Variants in SETDB1 observed in about 807,000 individuals in gnomAD.
SETDB1 encodes SET domain bifurcated histone lysine methyltransferase 1.
A neutral mutation model predicts 137.4 loss-of-function variants in SETDB1; 31 were observed. The ratio of observed to expected loss-of-function variants is 0.23; its 90% CI spans 0.17 to 0.30. The LOEUF is 0.30. SETDB1 is among the 10% of genes least tolerant of loss of function. The pLI is 1.00. For missense variants in SETDB1, 1,113 were observed against 1,631.5 expected (o/e 0.68, Z 5.47); for synonymous variants, 548 against 579.9 (o/e 0.95, Z 0.79).
chr1:150,963,096 T>A lies in SETDB1; in HGVS notation c.3417T>A (p.Ser1139=). 1 of 1,614,198 alleles carries A rather than the reference T, an allele frequency of 6.2e-7. No homozygotes were observed. Among genetic ancestry groups the A allele is most frequent in the South Asian group, 1.1e-5 (1 of 91,088 alleles). ...VDSDDIQTIS[S]GSEGDDFEDK... is the part of the protein sequence containing the mutation. ...GTGATGATATCCAGACCATATCCTC[T>A]GGCTCTGAAGGGGATGACTTTGAGG... Residue 1139 remains serine (S), a synonymous_variant, in exon 19 of 22, where the codon TCT becomes TCA. Coordinates refer to ENST00000692827, the MANE Select transcript of SETDB1 (RefSeq NM_001366418.1).
intron 16 of SETDB1, chr1:150,961,919 C>A: frequency 1.5e-6 from 1 of 656,928 alleles, no homozygotes; most frequent in Non-Finnish European, 2.8e-6. Context: ...TTTCCATGAG[C>A]ATTAAGCCCC....
intron 14 of SETDB1, among the ~76,000 whole-genome samples, chr1:150,953,556 C>T (rs587647710): frequency 3.3e-5 from 5 of 149,570 alleles, no homozygotes; most frequent in South Asian, 2.1e-4. Context: ...TGGCCATGCG[C>T]GGTGGCTCAT....
At chr1:150,929,180 C>T (rs752890443) in intron 2 of SETDB1, among the ~76,000 whole-genome samples, 1 of 152,080 alleles carries the variant, frequency 6.6e-6, no homozygotes, top group Non-Finnish European at 1.5e-5. Context: ...CTGTCTTCCA[C>T]AATGGTTGAA....
Position 150,950,686 on chromosome 1 carries a change from G to C in SETDB1, c.1812G>C (p.Pro604=). The C allele has an allele frequency of 6.2e-7, 1 of 1,614,194 alleles. No individual in the cohort carries two copies. The highest frequency in any genetic ancestry group is 1.7e-5 in the Admixed American group (1 of 60,022). The change falls in exon 13 of 22, where the codon CCG becomes CCC. Residue 604 remains proline, a synonymous_variant. Transcript: ENST00000692827. The part of the protein sequence containing the change: ...QYRGKNPLLV[P]LLYDFRRMTA... ...GGGGCAAGAACCCTCTGCTGGTCCC[G>C]TTACTATATGACTTCCGGCGGATGA...
At chr1:150,944,789 C>T (rs1342888133) in intron 8 of SETDB1, 129 bp from the exon 9 acceptor site, 5 of 1,005,484 alleles carry the variant, frequency 5.0e-6, no homozygotes, top group Non-Finnish European at 7.2e-6. Context: ...CTTTGCTTCC[C>T]TTGAGGTTCT....
At chr1:150,959,136 A>G in intron 14 of SETDB1, 42 bp from the exon 15 acceptor site, 3 of 1,424,866 alleles carry the variant, frequency 2.1e-6, no homozygotes, top group Middle Eastern at 3.6e-4. Context: ...TTTGTGCTCT[A>G]GTGATCATAC....
Position 150,941,398 on chromosome 1 carries a change from A to G in SETDB1, c.517A>G (p.Lys173Glu). The change falls in exon 5 of 22, where the codon AAG (lysine) becomes GAG (glutamate). Residue 173 changes from lysine (K) to glutamate (E), a missense_variant. Lys to Glu is a moderately conservative substitution (Grantham distance 56). Around this residue, in one of 11 missense-constraint regions of SETDB1, gnomAD observed 159 missense variants for 188.6 expected, o/e 0.84. Coordinates refer to ENST00000692827, the MANE Select transcript of SETDB1 (RefSeq NM_001366418.1). ...TCAGAAGTTCATGGATGCTGTCAAC[A>G]AGAAGAGCAGTTCCCAGGATCTGCA... ...DVQKFMDAVNKKSSSQDLHKG... is the reference protein window; with the variant it reads ...DVQKFMDAVNEKSSSQDLHKG... The G allele has an allele frequency of 6.2e-7, 1 of 1,612,768 alleles. No individual in the cohort carries two copies. The highest frequency in any genetic ancestry group is 8.5e-7 in the Non-Finnish European group (1 of 1,178,784).
At chr1:150,961,407 C>T in intron 16 of SETDB1, 1 of 523,926 alleles carries the variant, frequency 1.9e-6, no homozygotes, top group Non-Finnish European at 3.4e-6. Flanking sequence ...AATCCCAACA[C>T]TTTGGGAGGC....
intron 5 of SETDB1, among the ~76,000 whole-genome samples, chr1:150,942,304 T>C (rs998588775): frequency 2.6e-5 from 4 of 151,182 alleles, no homozygotes; most frequent in South Asian, 2.1e-4. Context: ...CTGGGTGTAG[T>C]GGTGCCACCT....
At position 150,951,105 on chromosome 1, in the gene SETDB1, G is replaced by C. The variant is rs769974522; in HGVS notation, c.2216+15G>C. 9 of 1,594,886 alleles carry C rather than the reference G, an allele frequency of 5.6e-6. No homozygotes were observed. In the East Asian group the frequency reaches 2.0e-4, roughly 36 times the overall value. On this transcript the variant is annotated intron_variant, in intron 13 of 21. Transcript: ENST00000692827. ...TGTCGGGACAAGTGAGTTGGTGGGG[G>C]GAATTGCTGCCCCTGCTTCCAACTT... is the stretch of plus-strand genomic sequence containing the variant.
In SETDB1 at chr1:150,950,511, C is replaced by T; in HGVS notation, c.1637C>T (p.Pro546Leu). 1.9e-6 allele frequency: 3 copies of T among 1,613,670 alleles called. No homozygotes were observed. Among genetic ancestry groups the T allele is most frequent in the Non-Finnish European group, 2.5e-6 (3 of 1,179,726 alleles). The change falls in exon 13 of 22, where the codon CCT (proline) becomes CTT (leucine). Residue 546 changes from proline (P) to leucine (L), a missense_variant. By Grantham distance (98) the Pro-to-Leu change is moderately conservative. Around this residue, in one of 11 missense-constraint regions of SETDB1, gnomAD observed 192 missense variants for 198.1 expected, o/e 0.97. Transcript: ENST00000692827. ...CCAGCACCCTCAGCACTCCCGGCCCCTCCAGCACCCCCAGTCTTCCATGGC... is the reference window on the plus strand; with the variant it reads ...CCAGCACCCTCAGCACTCCCGGCCCTTCCAGCACCCCCAGTCTTCCATGGC... ...SAPAPSALPA[P>L]PAPPVFHGML...
At chr1:150,947,958 A>G (rs587740669) in intron 10 of SETDB1, among the ~76,000 whole-genome samples, 15 of 152,212 alleles carry the variant, frequency 9.9e-5, no homozygotes, top group Middle Eastern at 6.8e-3. Flanking sequence ...AAGGCCCAGC[A>G]TGGTGGCTCG....
intron 3 of SETDB1, among the ~76,000 whole-genome samples, chr1:150,931,324 GCC>G (rs1558010653): frequency 2.9e-4 from 43 of 146,124 alleles, no homozygotes; most frequent in African/African-American, 1.1e-3. Flanking sequence ...GGTGGCTCAC[GCC>G]TGTAATCCCA....
In SETDB1 at chr1:150,951,065, G is replaced by T; in HGVS notation, c.2191G>T (p.Asp731Tyr). ...NTGPEFLVGC[D>Y]CKDGCRDKSK... is the part of the protein sequence containing the mutation. ...AGGCCCTGAATTTCTGGTTGGCTGT[G>T]ACTGCAAGGATGGGTGTCGGGACAA... The change falls in exon 13 of 22, where the codon GAC (aspartate) becomes TAC (tyrosine). Residue 731 changes from aspartate to tyrosine, a missense_variant. By Grantham distance (160) the Asp-to-Tyr change is radical. Around this residue, in one of 11 missense-constraint regions of SETDB1, gnomAD observed 81 missense variants for 123.4 expected, o/e 0.66. Coordinates refer to ENST00000692827, the MANE Select transcript of SETDB1 (RefSeq NM_001366418.1). 6.2e-7 allele frequency: 1 copy of T among 1,610,636 alleles called. No homozygotes were observed. Among genetic ancestry groups the T allele is most frequent in the South Asian group, 1.1e-5 (1 of 91,022 alleles).
chr1:150,931,611 TA>T (rs1217306550), intron 3 of SETDB1, among the ~76,000 whole-genome samples: 108 of 70,498 alleles, frequency 1.5e-3, no homozygotes, highest in Non-Finnish European at 2.5e-3. Context: ...TAAAGTATAA[TA>T]AAAAAAAATT....
At chr1:150,948,917 C>G (rs765843171) in intron 10 of SETDB1, among the ~76,000 whole-genome samples, 2 of 151,954 alleles carry the variant, frequency 1.3e-5, no homozygotes, top group African/African-American at 2.4e-5. Flanking sequence ...CGGGGTTTCA[C>G]CATGTTGGCC....
chr1:150,959,243 A>G lies in SETDB1; in HGVS notation c.2399A>G (p.His800Arg), dbSNP rs1670745008. 6.2e-7 allele frequency: 1 copy of G among 1,609,488 alleles called. No individual in the cohort carries two copies. The highest frequency in any genetic ancestry group is 8.5e-7 in the Non-Finnish European group (1 of 1,178,628). The part of the protein sequence containing the change: ...PNMCTNRLVQ[H>R]GLQVRLQLFK... Reference sequence around the variant, plus strand: ...ATGTGCACAAACCGGTTGGTGCAACATGGACTACAAGTTCGGCTACAGCTA... The same window carrying G: ...ATGTGCACAAACCGGTTGGTGCAACGTGGACTACAAGTTCGGCTACAGCTA... Residue 800 changes from histidine to arginine, a missense_variant, in exon 15 of 22, where the codon CAT (histidine) becomes CGT (arginine). Coordinates refer to ENST00000692827, the MANE Select transcript of SETDB1 (RefSeq NM_001366418.1).
chr1:150,929,203 C>T (rs919706343), intron 2 of SETDB1, among the ~76,000 whole-genome samples: 1 of 152,060 alleles, frequency 6.6e-6, no homozygotes, highest in Non-Finnish European at 1.5e-5. Context: ...AGTTTACAGT[C>T]CCACCAACAG....
At chr1:150,937,857 A>C (rs587708929) in intron 3 of SETDB1, among the ~76,000 whole-genome samples, 2 of 152,218 alleles carry the variant, frequency 1.3e-5, no homozygotes, top group Non-Finnish European at 2.9e-5. Context: ...ATGTTTATCA[A>C]CTGATGAATG....
Sources: gnomAD v4.1 joint callset for allele counts (sites outside exome capture counted in the v4.1 genomes callset) on GRCh38, gnomAD v4.1.1 for gene constraint, gnomAD v4.1.1 regional missense constraint, MANE v1.5 for transcripts, NCBI Gene and HGNC (gene_info 2026-07-23, HGNC 2026-07-21) for gene names.